Variants in NR5A2 observed in about 807,000 individuals in gnomAD.
The protein encoded by NR5A2 is nuclear receptor subfamily 5 group A member 2.
In NR5A2, 26 loss-of-function variants were observed where a neutral mutation model predicts 62.7. The ratio of observed to expected loss-of-function variants is 0.41; its 90% CI spans 0.30 to 0.58. NR5A2 has a LOEUF of 0.58. Among genes scored for constraint, NR5A2 ranks in the 20% least tolerant of loss-of-function variants. The pLI is 0.22. For synonymous variants in NR5A2, 246 were observed against 241.7 expected (o/e 1.02, Z -0.16); for missense variants, 541 against 669.1 (o/e 0.81, Z 2.11).
At chr1:200,123,812 T>G (rs1471066226) in intron 7 of NR5A2, among the ~76,000 whole-genome samples, 1 of 151,490 alleles carries the variant, frequency 6.6e-6, no homozygotes, top group African/African-American at 2.4e-5. Flanking sequence ...GGTGGTTTTT[T>G]TTTTTTGAAA....
At chr1:200,036,548 T>C (rs1224914158) in intron 1 of NR5A2, among the ~76,000 whole-genome samples, 1 of 152,186 alleles carries the variant, frequency 6.6e-6, no homozygotes, top group African/African-American at 2.4e-5. Flanking sequence ...ACCCAGCTGC[T>C]TCCTTAAATC....
At chr1:200,138,600 G>A (rs1018476720) in intron 7 of NR5A2, among the ~76,000 whole-genome samples, 1 of 152,082 alleles carries the variant, frequency 6.6e-6, no homozygotes, top group Non-Finnish European at 1.5e-5. Context: ...TGTGTATGGT[G>A]TGAGGGGGAG....
intron 1 of NR5A2, among the ~76,000 whole-genome samples, chr1:200,034,424 A>G (rs1402402281): frequency 6.6e-6 from 1 of 152,174 alleles, no homozygotes; most frequent in South Asian, 2.1e-4. Flanking sequence ...GGCACCGACT[A>G]TACCCTGGCG....
Position 200,147,779 on chromosome 1 carries a change from TG to T in NR5A2, c.1379-26183del. The stretch of plus-strand genomic sequence containing the variant: ...ATGCCGGCGCGAATGCCGGCACGGA[TG>T]CCGGCACGGTGGGCAGCCGCCGTGG... On this transcript the variant is annotated intron_variant, in intron 7 of 7. Transcript: ENST00000367362. The surrounding 1 kb of genome is among the most constrained non-coding windows in gnomAD (Gnocchi z 4.9). The T allele has an allele frequency of 3.0e-6, 1 of 330,374 alleles. No individual in the cohort carries two copies. Among genetic ancestry groups the T allele is most frequent in the Non-Finnish European group, 5.9e-6 (1 of 170,504 alleles). 20.5% of individuals were successfully genotyped at this position (330,374 alleles called of 1,614,324 possible). A position where few individuals can be genotyped will look rare whatever the true frequency, so the allele number is the denominator to read the frequency against.
intron 5 of NR5A2, among the ~76,000 whole-genome samples, chr1:200,070,679 C>A (rs200759797): frequency 1.1e-3 from 146 of 133,528 alleles, no homozygotes; most frequent in Middle Eastern, 4.0e-3. Flanking sequence ...GACTCTGTCT[C>A]AAAAAAAAAA....
chr1:200,048,511 C>T lies in NR5A2; in HGVS notation c.803C>T (p.Ala268Val). 6.2e-7 allele frequency: 1 copy of T among 1,614,206 alleles called. No homozygotes were observed. Among genetic ancestry groups the T allele is most frequent in the Non-Finnish European group, 8.5e-7 (1 of 1,180,044 alleles). ...YQTYGHFPSR[A>V]IKSEYPDPYT... The stretch of plus-strand genomic sequence containing the variant: ...ACATATGGCCACTTTCCTAGCCGGG[C>T]CATCAAGTCTGAGTACCCAGACCCC... Residue 268 changes from alanine (A) to valine (V), a missense_variant, in exon 5 of 8, where the codon GCC (alanine) becomes GTC (valine). Transcript: ENST00000367362. This position sits in a 1 kb window ranked among gnomAD's most constrained non-coding sequence, Gnocchi z 4.8.
intron 7 of NR5A2, among the ~76,000 whole-genome samples, chr1:200,129,751 C>T (rs1666880094): frequency 6.6e-6 from 1 of 152,130 alleles, no homozygotes; most frequent in African/African-American, 2.4e-5. Flanking sequence ...GTTTTTCTGC[C>T]ACTTCCTGTG....
In NR5A2 at chr1:200,147,746, A is replaced by G; in HGVS notation, c.1379-26217A>G. 1 of 556,286 alleles carries G rather than the reference A, an allele frequency of 1.8e-6. No individual in the cohort carries two copies. The highest frequency in any genetic ancestry group is 1.8e-5 in the South Asian group (1 of 55,334). 34.5% of individuals were successfully genotyped at this position (556,286 alleles called of 1,614,324 possible). A position where few individuals can be genotyped will look rare whatever the true frequency, so the allele number is the denominator to read the frequency against. ...AGCGCCTCTCCCACGTCCACGGTGAAGACGCGGATGCCGGCGCGAATGCCG... is the reference window on the plus strand; with the variant it reads ...AGCGCCTCTCCCACGTCCACGGTGAGGACGCGGATGCCGGCGCGAATGCCG... On this transcript the variant is annotated intron_variant, in intron 7 of 7. Transcript: ENST00000367362. The surrounding 1 kb of genome is among the most constrained non-coding windows in gnomAD (Gnocchi z 4.9).
chr1:200,150,218 T>C (rs757725700), intron 7 of NR5A2, among the ~76,000 whole-genome samples: 16 of 152,320 alleles, frequency 1.1e-4, no homozygotes, highest in Admixed American at 2.6e-4. Context: ...TTAAAACTTA[T>C]GAACCTAAAC....
intron 7 of NR5A2, among the ~76,000 whole-genome samples, chr1:200,163,713 C>A (rs1391039193): frequency 6.6e-6 from 1 of 152,100 alleles, no homozygotes; most frequent in Non-Finnish European, 1.5e-5. Flanking sequence ...CTCCTGGGGT[C>A]AAGAGATCCT....
Position 200,048,417 on chromosome 1 carries a change from A to G in NR5A2, c.709A>G (p.Arg237Gly), listed in dbSNP as rs779135801. 1 of 1,614,178 alleles carries G rather than the reference A, an allele frequency of 6.2e-7. No individual in the cohort carries two copies. The highest frequency in any genetic ancestry group is 8.5e-7 in the Non-Finnish European group (1 of 1,180,034). The change falls in exon 5 of 8, where the codon AGA (arginine) becomes GGA (glycine). Residue 237 changes from arginine to glycine, a missense_variant. Transcript: ENST00000367362. The surrounding 1 kb of genome is among the most constrained non-coding windows in gnomAD (Gnocchi z 4.8). ...HAALPPTDYD[R>G]SPFVTSPISM... ...TGCCTTGCCTCCTACAGACTATGAC[A>G]GAAGTCCCTTTGTAACATCCCCCAT...
Position 200,175,641 on chromosome 1 carries a change from A to T in NR5A2, c.*1431A>T, listed in dbSNP as rs982033620. 6.6e-6 allele frequency: 1 copy of T among 152,666 alleles called. No individual in the cohort carries two copies. The highest frequency in any genetic ancestry group is 2.4e-5 in the African/African-American group (1 of 41,476). 9.5% of individuals were successfully genotyped at this position (152,666 alleles called of 1,614,324 possible). ...ATAAGATATAGTGTTTACATTCTTTAGGTCCTGAGGGGCAGGGGGATCTGT... is the reference window on the plus strand; with the variant it reads ...ATAAGATATAGTGTTTACATTCTTTTGGTCCTGAGGGGCAGGGGGATCTGT... On this transcript the variant is annotated 3_prime_UTR_variant, in exon 8 of 8. Coordinates refer to ENST00000367362, the MANE Select transcript of NR5A2 (RefSeq NM_205860.3).
chr1:200,155,670 TA>T (rs1653341855), intron 7 of NR5A2, among the ~76,000 whole-genome samples: 1 of 152,064 alleles, frequency 6.6e-6, no homozygotes, highest in South Asian at 2.1e-4. Context: ...CCACAGATAA[TA>T]ATAAAAAAAT....
At chr1:200,161,135 C>T (rs1200390839) in intron 7 of NR5A2, among the ~76,000 whole-genome samples, 1 of 152,068 alleles carries the variant, frequency 6.6e-6, no homozygotes, top group Non-Finnish European at 1.5e-5. Context: ...GTGTCTCAAG[C>T]TTGAAATTCT....
In NR5A2 at chr1:200,048,872, A is replaced by G. The variant is rs1455939835; in HGVS notation, c.1110+54A>G. On this transcript the variant is annotated intron_variant, in intron 5 of 7. Coordinates refer to ENST00000367362, the MANE Select transcript of NR5A2 (RefSeq NM_205860.3). The surrounding 1 kb of genome is among the most constrained non-coding windows in gnomAD (Gnocchi z 4.8). ...CACCCCTTTTAAGAGAGACCTAACT[A>G]TGTTCCTAATTAATACATTCTTGGT... The G allele has an allele frequency of 6.4e-6, 10 of 1,572,648 alleles. No homozygotes were observed. In the Admixed American group the frequency reaches 7.0e-5, roughly 11 times the overall value.
chr1:200,104,952 C>T (rs1471115849), intron 5 of NR5A2, among the ~76,000 whole-genome samples: 1 of 152,100 alleles, frequency 6.6e-6, no homozygotes, highest in African/African-American at 2.4e-5. Flanking sequence ...CGTGAACCAC[C>T]ATGCCTGGCC....
At chr1:200,131,055 A>G (rs1666950651) in intron 7 of NR5A2, among the ~76,000 whole-genome samples, 1 of 152,244 alleles carries the variant, frequency 6.6e-6, no homozygotes, top group African/African-American at 2.4e-5. Flanking sequence ...ACCTGAGGGT[A>G]ATGCTGGCAA....
chr1:200,105,965 G>T (rs1164549292), intron 5 of NR5A2, among the ~76,000 whole-genome samples: 4 of 151,956 alleles, frequency 2.6e-5, no homozygotes, highest in African/African-American at 9.7e-5. Context: ...CTATTAAAAG[G>T]GAAATGGGAG....
Position 200,118,167 on chromosome 1 carries a change from C to T in NR5A2, c.1231-2641C>T, listed in dbSNP as rs148325195. Among the ~76,000 whole-genome samples, 1,387 of 150,874 alleles carry T rather than the reference C, an allele frequency of 9.2e-3. 25 individuals are homozygous for T. The highest frequency in any genetic ancestry group is 0.032 in the African/African-American group (1,323 of 40,960). ...GAGTAGCTGGGATTACAGGCATGTA[C>T]CACCACGCCCAGCTAATTTCTGTAT... On this transcript the variant is annotated intron_variant, in intron 6 of 7. Transcript: ENST00000367362.
Sources: allele counts gnomAD v4.1 joint callset (sites outside exome capture counted in the v4.1 genomes callset), GRCh38; gene constraint gnomAD v4.1.1; non-coding constraint Gnocchi (gnomAD v3.1); transcripts MANE v1.5; gene names NCBI Gene and HGNC (gene_info 2026-07-23, HGNC 2026-07-21).